The following P2RY6 variants were observed in gnomAD, a reference collection of about 807,000 sequenced individuals.
P2RY6 encodes pyrimidinergic receptor P2Y6.
A neutral mutation model predicts 16.3 loss-of-function variants in P2RY6; 19 were observed. That is an observed-to-expected ratio of 1.16 (90% CI 0.81 to 1.71). P2RY6 has a LOEUF of 1.71. Among genes scored for constraint, P2RY6 ranks in the 40% most tolerant of loss-of-function variants. The probability of loss-of-function intolerance (pLI) is 0.00; values close to 1 mark genes in which losing one functional copy is unlikely to be tolerated. For missense variants in P2RY6, 389 were observed against 455.5 expected (o/e 0.85, Z 1.33); for synonymous variants, 184 against 201.5 (o/e 0.91, Z 0.74).
chr11:73,288,787 C>T (rs890944666), intron 1 of P2RY6, among the ~76,000 whole-genome samples: 1 of 152,174 alleles, frequency 6.6e-6, no homozygotes, highest in Admixed American at 6.5e-5. Flanking sequence ...AGGTGGCTCT[C>T]CCTAGGTCAC....
intron 1 of P2RY6, among the ~76,000 whole-genome samples, chr11:73,289,670 C>A (rs1378854359): frequency 6.6e-6 from 1 of 152,228 alleles, no homozygotes; most frequent in East Asian, 1.9e-4. Flanking sequence ...TACAGGGTCT[C>A]AATGCAGGGA....
intron 1 of P2RY6, chr11:73,289,544 G>C (rs997804626): frequency 6.6e-6 from 1 of 152,410 alleles, no homozygotes; most frequent in African/African-American, 2.4e-5. Flanking sequence ...TCCGGAGGCT[G>C]CTCAGTGCCA....
intron 1 of P2RY6, chr11:73,292,821 G>T (rs1864314022): frequency 2.0e-6 from 2 of 985,280 alleles, no homozygotes; most frequent in Non-Finnish European, 2.4e-6. Flanking sequence ...AGAAGTTGCA[G>T]CCTAGCTGAG....
At chr11:73,268,749 C>T (rs1056724742), upstream of P2RY6, among the ~76,000 whole-genome samples, 34 of 152,342 alleles carry the variant, frequency 2.2e-4, no homozygotes, top group African/African-American at 8.2e-4. Context: ...TCTCCTCCCA[C>T]GGACCAGGGC....
In P2RY6 at chr11:73,292,777, G is replaced by A. The variant is rs79388621; in HGVS notation, c.-120-2953G>A. ...GGCTCTTTTAGTCAGAGACAGCCCT[G>A]CCAGGAAACAGAGGAAGCTGCTCAC... On this transcript the variant is annotated intron_variant, in intron 1 of 2. Transcript: ENST00000540124. 142 of 985,238 alleles carry A rather than the reference G, an allele frequency of 1.4e-4. 1 individual carries two copies. The East Asian group carries it at 0.014, about 95-fold the overall frequency. The allele number at this position is 985,238 out of a possible 1,614,324, so 61.0% of individuals were successfully genotyped here. A position where few individuals can be genotyped will look rare whatever the true frequency, so the allele number is the denominator to read the frequency against.
At chr11:73,273,092 G>GAA (rs35651681) in intron 1 of P2RY6, among the ~76,000 whole-genome samples, 19 of 130,808 alleles carry the variant, frequency 1.5e-4, no homozygotes, top group Non-Finnish European at 2.0e-4. Flanking sequence ...GAGTGGTTTG[G>GAA]AAAAAAAAAA....
intron 1 of P2RY6, among the ~76,000 whole-genome samples, chr11:73,283,612 G>C (rs1450064638): frequency 2.0e-5 from 3 of 152,204 alleles, no homozygotes; most frequent in African/African-American, 7.2e-5. Flanking sequence ...AGCTCAGACA[G>C]TTGCTGGCTC....
rs1864445759 is a variant in P2RY6 at position 73,295,725 on chromosome 11, T to C, written c.-120-5T>C. The C allele has an allele frequency of 3.1e-6, 3 of 981,302 alleles. No individual in the cohort carries two copies. The highest frequency in any genetic ancestry group is 3.6e-6 in the Non-Finnish European group (3 of 826,212). The allele number at this position is 981,302 out of a possible 1,614,324, so 60.8% of individuals were successfully genotyped here. On this transcript the variant is annotated splice_region_variant and splice_polypyrimidine_tract_variant and intron_variant, in intron 1 of 2. Transcript: ENST00000540124. ...TGGGTATCACCTCCTTCCCCTATTT[T>C]ACAGATAACAAGACCTCTGCCAGAA...
At chr11:73,293,610 C>G (rs772390875) in intron 1 of P2RY6, among the ~76,000 whole-genome samples, 8 of 152,342 alleles carry the variant, frequency 5.3e-5, no homozygotes, top group African/African-American at 1.2e-4. Context: ...ACTGGAAGAA[C>G]AGCTCACCTC....
chr11:73,289,308 G>A (rs1464200274), intron 1 of P2RY6: 3 of 152,446 alleles, frequency 2.0e-5, no homozygotes, highest in Non-Finnish European at 2.9e-5. Context: ...TTTTGCCAAA[G>A]GTGTACCCGG....
At chr11:73,279,915 G>T (rs1420016052) in intron 1 of P2RY6, among the ~76,000 whole-genome samples, 4 of 152,226 alleles carry the variant, frequency 2.6e-5, no homozygotes, top group Non-Finnish European at 5.9e-5. Context: ...GGGTTGGGAA[G>T]CTCTGCTTAG....
At chr11:73,271,538 AAACAG>A (rs982664469), upstream of P2RY6, 3 of 152,148 alleles carry the variant, frequency 2.0e-5, no homozygotes, top group African/African-American at 7.2e-5. Context: ...GGTCAGAGTG[AAACAG>A]AACAGAACGG....
At chr11:73,286,432 A>G (rs1483696918) in intron 1 of P2RY6, among the ~76,000 whole-genome samples, 3 of 152,220 alleles carry the variant, frequency 2.0e-5, no homozygotes, top group South Asian at 2.1e-4. Flanking sequence ...ATAACCCACA[A>G]TAACCACTTG....
upstream of P2RY6, among the ~76,000 whole-genome samples, chr11:73,269,729 T>C (rs879811697): frequency 2.5e-4 from 38 of 152,300 alleles, no homozygotes; most frequent in Admixed American, 2.4e-3. Flanking sequence ...AGGCAGACAC[T>C]GTGCAACCAG....
upstream of P2RY6, among the ~76,000 whole-genome samples, chr11:73,268,688 G>T (rs1227816543): frequency 1.3e-5 from 2 of 152,200 alleles, no homozygotes; most frequent in Non-Finnish European, 2.9e-5. Context: ...CTGCAAGCTT[G>T]AAGTGGGCCA....
chr11:73,274,572 A>T (rs1863456534), intron 1 of P2RY6, among the ~76,000 whole-genome samples: 2 of 151,798 alleles, frequency 1.3e-5, no homozygotes, highest in Admixed American at 1.3e-4. Flanking sequence ...AAGAAAGAAA[A>T]GAAAAAGAAA....
In P2RY6 at chr11:73,297,611, C is replaced by T; in HGVS notation, c.*106C>T. 3.3e-6 allele frequency: 3 copies of T among 906,626 alleles called. No homozygotes were observed. In the East Asian group the frequency reaches 7.8e-5, roughly 24 times the overall value. 56.2% of individuals were successfully genotyped at this position (906,626 alleles called of 1,614,324 possible). ...AGAATTAGAGTTCAGCTCAGCTGGG[C>T]ATGGAGTTAAGATCCCTCACAGGAC... is the stretch of plus-strand genomic sequence containing the variant. On this transcript the variant is annotated 3_prime_UTR_variant, in exon 3 of 3. Coordinates refer to ENST00000540124, the MANE Select transcript of P2RY6 (RefSeq NM_001277204.2).
In P2RY6 at chr11:73,295,718, C is replaced by G; in HGVS notation, c.-120-12C>G. The G allele has an allele frequency of 1.0e-6, 1 of 974,452 alleles. No individual in the cohort carries two copies. The allele number at this position is 974,452 out of a possible 1,614,324, so 60.4% of individuals were successfully genotyped here. On this transcript the variant is annotated splice_polypyrimidine_tract_variant and intron_variant, in intron 1 of 2. Transcript: ENST00000540124. ...GGGGAACTGGGTATCACCTCCTTCC[C>G]CTATTTTACAGATAACAAGACCTCT... is the stretch of plus-strand genomic sequence containing the variant.
upstream of P2RY6, among the ~76,000 whole-genome samples, chr11:73,267,856 T>C (rs889497570): frequency 2.0e-5 from 3 of 152,236 alleles, no homozygotes; most frequent in African/African-American, 7.2e-5. Flanking sequence ...CCATCTGTGT[T>C]CTTGGGGAAA....
Sources: gnomAD v4.1 joint callset for allele counts (sites outside exome capture counted in the v4.1 genomes callset) on GRCh38, gnomAD v4.1.1 for gene constraint, MANE v1.5 for transcripts, NCBI Gene and HGNC (gene_info 2026-07-23, HGNC 2026-07-21) for gene names.